The following LRRK1 variants were observed in gnomAD, a reference collection of about 807,000 sequenced individuals.
The protein encoded by LRRK1 is leucine rich repeat kinase 1, also known as leucine-rich repeat serine/threonine-protein kinase 1.
A neutral mutation model predicts 209.1 loss-of-function variants in LRRK1; 113 were observed. The observed-to-expected ratio is 0.54, with a 90% CI of 0.46 to 0.63. The LOEUF (loss-of-function observed/expected upper bound fraction) is 0.63, where lower values mean the gene tolerates loss of function less well. Among genes scored for constraint, LRRK1 ranks in the 30% least tolerant of loss-of-function variants. LRRK1 has a pLI of 0.00. For missense variants in LRRK1, 2,284 were observed against 2,632.2 expected, an observed-to-expected ratio of 0.87 and a Z score of 2.89; for synonymous variants, 1,144 against 1,099.7, an observed-to-expected ratio of 1.04 and a Z score of -0.80.
rs377174221 is a variant in LRRK1, at chr15:101,055,217, T to C, written c.4326T>C (p.Asp1442=). 6.4e-6 allele frequency: 10 copies of C among 1,561,186 alleles called. No homozygotes were observed. Among genetic ancestry groups the C allele is most frequent in the Non-Finnish European group, 8.7e-6 (10 of 1,154,864 alleles). ...APEIRPRIVY[D]EKVDMFSYGM... is the part of the protein sequence containing the mutation. ...AGATCAGGCCTCGCATTGTATATGA[T>C]GAGAAGGTACGTGCCTGGATCCCCT... is the stretch of plus-strand genomic sequence containing the variant. The change falls in exon 27 of 34, where the codon GAT becomes GAC. Residue 1442 remains aspartate, a synonymous_variant. Transcript: ENST00000388948.
Position 101,052,958 on chromosome 15 carries a change from G to T in LRRK1, c.3726G>T (p.Glu1242Asp). 6.2e-7 allele frequency: 1 copy of T among 1,611,558 alleles called. No individual in the cohort carries two copies. The highest frequency in any genetic ancestry group is 8.5e-7 in the Non-Finnish European group (1 of 1,178,324). Residue 1242 changes from glutamate to aspartate, a missense_variant, in exon 25 of 34, where the codon GAG becomes GAT. This residue lies in a region of LRRK1 where 780 missense variants were observed against 985.2 expected (regional missense o/e 0.79). Coordinates refer to ENST00000388948, the MANE Select transcript of LRRK1 (RefSeq NM_024652.6). Reference protein sequence around the residue: ...FLENSKLEHSEDEGSVLGQGG... With the variant: ...FLENSKLEHSDDEGSVLGQGG... ...AGAACAGCAAGCTGGAGCACAGCGA[G>T]GACGAGGGCAGCGTCCTGGGCCAGG...
At position 100,990,720 on chromosome 15, in the gene LRRK1, G is replaced by GTT. The variant is rs34973825; in HGVS notation, c.762+1334_762+1335dup. Among the ~76,000 whole-genome samples, 62 of 138,728 alleles carry GTT rather than the reference G, an allele frequency of 4.5e-4. 2 individuals are homozygous for GTT. Among genetic ancestry groups the GTT allele is most frequent in the African/African-American group, 6.2e-4 (24 of 38,496 alleles). 91.0% of individuals were successfully genotyped at this position (138,728 alleles called of 152,430 possible). The stretch of plus-strand genomic sequence containing the variant: ...TTGTCTTTTTTTCTCACTTTGGAGG[G>GTT]TTTTTTTTTTTTTGAACATTAGAGA... On this transcript the variant is annotated intron_variant, in intron 6 of 33. Coordinates refer to ENST00000388948, the MANE Select transcript of LRRK1 (RefSeq NM_024652.6).
At chr15:101,028,575 G>T (rs558676972) in intron 19 of LRRK1, among the ~76,000 whole-genome samples, 1 of 152,348 alleles carries the variant, frequency 6.6e-6, no homozygotes, top group Non-Finnish European at 1.5e-5. Context: ...TTCAGCCTCC[G>T]CTGGCAACGT....
rs1482022169 is a variant in LRRK1 at position 101,028,980 on chromosome 15, G to A, written c.2711G>A (p.Gly904Asp). 2 of 1,613,930 alleles carry A rather than the reference G, an allele frequency of 1.2e-6. No homozygotes were observed. Among genetic ancestry groups the A allele is most frequent in the Non-Finnish European group, 8.5e-7 (1 of 1,180,024 alleles). The change falls in exon 20 of 34, where the codon GGC becomes GAC. Residue 904 changes from glycine (G) to aspartate (D), a missense_variant. Gly to Asp is a moderately conservative substitution (Grantham distance 94). This residue lies in a region of LRRK1 where 780 missense variants were observed against 985.2 expected (regional missense o/e 0.79). Coordinates refer to ENST00000388948, the MANE Select transcript of LRRK1 (RefSeq NM_024652.6). Reference sequence around the variant, plus strand: ...GCCATCAGCTTCCTCATAGAAACCGGCACCCTGCTCCATTTCCCGGACACC... The same window carrying A: ...GCCATCAGCTTCCTCATAGAAACCGACACCCTGCTCCATTTCCCGGACACC... ...QSAISFLIET[G>D]TLLHFPDTSH...
intron 24 of LRRK1, 48 bp downstream of exon 24, chr15:101,052,008 C>T (rs771247521): frequency 8.2e-6 from 13 of 1,582,682 alleles, no homozygotes; most frequent in South Asian, 1.2e-5. Context: ...TCACAGGGGG[C>T]GTTCCTCGCT....
intron 6 of LRRK1, among the ~76,000 whole-genome samples, chr15:100,997,930 A>T (rs747956273): frequency 6.6e-6 from 1 of 152,334 alleles, no homozygotes; most frequent in South Asian, 2.1e-4. Context: ...CTATAATCCC[A>T]GCACATTGGG....
At chr15:101,006,484 C>A (rs529822760) in intron 6 of LRRK1, among the ~76,000 whole-genome samples, 2 of 151,726 alleles carry the variant, frequency 1.3e-5, no homozygotes, top group African/African-American at 4.9e-5. Flanking sequence ...CAATGTCATG[C>A]AATTGTCAAG....
chr15:101,066,220 G>T lies in LRRK1; in HGVS notation c.5768+15G>T, dbSNP rs766983987. On this transcript the variant is annotated intron_variant, in intron 32 of 33. Transcript: ENST00000388948. ...TGGGTCCCCAGGTACGTTTCCCGAG[G>T]TGAGGGCACCATCCAGGGCACGCCC... 2.5e-6 allele frequency: 4 copies of T among 1,589,944 alleles called. No homozygotes were observed. The highest frequency in any genetic ancestry group is 2.7e-5 in the African/African-American group (2 of 74,686).
At chr15:100,923,074 T>G (rs892837343) in intron 1 of LRRK1, among the ~76,000 whole-genome samples, 5 of 152,186 alleles carry the variant, frequency 3.3e-5, no homozygotes, top group African/African-American at 1.2e-4. Context: ...TATTCTGATC[T>G]TATTAATTAG....
intron 2 of LRRK1, among the ~76,000 whole-genome samples, chr15:100,941,426 G>GTGTGTC (rs1567191056): frequency 6.2e-5 from 1 of 16,072 alleles, no homozygotes; most frequent in Non-Finnish European, 1.8e-4. Context: ...GTGTGTGTGT[G>GTGTGTC]TCTGTGTGTG....
At chr15:101,041,458 T>G (rs1195885931) in intron 20 of LRRK1, among the ~76,000 whole-genome samples, 1 of 152,252 alleles carries the variant, frequency 6.6e-6, no homozygotes, top group African/African-American at 2.4e-5. Flanking sequence ...TTTCCTGCCT[T>G]CTTTTGAGTT....
At chr15:101,056,348 G>A (rs1281479413) in intron 27 of LRRK1, among the ~76,000 whole-genome samples, 1 of 152,180 alleles carries the variant, frequency 6.6e-6, no homozygotes, top group Non-Finnish European at 1.5e-5. Flanking sequence ...TCAAGAATAA[G>A]GACCATGACA....
At chr15:100,995,004 G>A (rs1221755603) in intron 6 of LRRK1, among the ~76,000 whole-genome samples, 1 of 152,198 alleles carries the variant, frequency 6.6e-6, no homozygotes, top group Non-Finnish European at 1.5e-5. Flanking sequence ...GTGCTTCACT[G>A]ACATGACACA....
At chr15:100,961,436 C>T (rs552397954) in intron 2 of LRRK1, among the ~76,000 whole-genome samples, 251 of 152,208 alleles carry the variant, frequency 1.6e-3, no homozygotes, top group African/African-American at 5.7e-3. Context: ...GGGCAGATCA[C>T]GAGGTCAAGC....
chr15:100,983,755 T>C, intron 4 of LRRK1, 56 bp downstream of exon 4: 1 of 1,519,284 alleles, frequency 6.6e-7, no homozygotes, highest in South Asian at 1.1e-5. Context: ...CTTCTTAGGC[T>C]TCACCCCAAA....
In LRRK1 at chr15:101,058,617, C is replaced by CGGGGAGTTG. The variant is rs10668251; in HGVS notation, c.4679+480_4679+481insAGTTGGGGG. ...CTGCCCCAGATTGCAGAAGGGGCAA[C>CGGGGAGTTG]GGGGGGGGGCGTCTAAACAGAGTTG... On this transcript the variant is annotated intron_variant, in intron 29 of 33. Transcript: ENST00000388948. Among the ~76,000 whole-genome samples, 12 of 75,340 alleles carry CGGGGAGTTG rather than the reference C, an allele frequency of 1.6e-4. No individual in the cohort carries two copies. The South Asian group carries it at 2.6e-3, about 16-fold the overall frequency. The allele number at this position is 75,340 out of a possible 152,430, so 49.4% of individuals were successfully genotyped here.
Position 100,989,863 on chromosome 15 carries a change from G to GT in LRRK1, c.762+473dup, listed in dbSNP as rs556373667. ...TTTTTGTTTCTGGTTTTTTTTGGTT[G>GT]TTTTTTTTCTCTTTTCCTTTTTTCA... On this transcript the variant is annotated intron_variant, in intron 6 of 33. Coordinates refer to ENST00000388948, the MANE Select transcript of LRRK1 (RefSeq NM_024652.6). 5.5e-3 allele frequency among the ~76,000 whole-genome samples: 831 copies of GT among 151,026 alleles called. 6 individuals carry two copies. The highest frequency in any genetic ancestry group is 9.1e-3 in the Non-Finnish European group (617 of 67,682).
At chr15:100,991,585 CT>C (rs1203295133) in intron 6 of LRRK1, among the ~76,000 whole-genome samples, 2 of 152,140 alleles carry the variant, frequency 1.3e-5, no homozygotes, top group Non-Finnish European at 2.9e-5. Flanking sequence ...CCTTTCCCAT[CT>C]TCTCTTATTC....
In LRRK1 at chr15:101,072,254, A is replaced by C. The variant is rs998826285; in HGVS notation, c.*3406A>C. 3 of 152,208 alleles carry C rather than the reference A, an allele frequency of 2.0e-5. No individual in the cohort carries two copies. The highest frequency in any genetic ancestry group is 7.2e-5 in the African/African-American group (3 of 41,442). The allele number at this position is 152,208 out of a possible 1,614,324, so 9.4% of individuals were successfully genotyped here. On this transcript the variant is annotated 3_prime_UTR_variant, in exon 34 of 34. Coordinates refer to ENST00000388948, the MANE Select transcript of LRRK1 (RefSeq NM_024652.6). The stretch of plus-strand genomic sequence containing the variant: ...AGTATTTGGTCCTGAAATCTTGGTA[A>C]AAGTGCCCAAAGATACAGAACAAGG...
Sources: allele counts gnomAD v4.1 joint callset (sites outside exome capture counted in the v4.1 genomes callset), GRCh38; gene constraint gnomAD v4.1.1; regional missense constraint gnomAD v4.1.1; transcripts MANE v1.5; gene names NCBI Gene and HGNC (gene_info 2026-07-23, HGNC 2026-07-21).